NKAIN2: variants seen among roughly 807,000 people sequenced by gnomAD.
NKAIN2 encodes sodium/potassium-transporting ATPase subunit beta-1-interacting protein 2.
NKAIN2 carries 14 observed loss-of-function variants against 32.6 expected under a neutral mutation model. That is an observed-to-expected ratio of 0.43 (90% confidence interval 0.28 to 0.67). The LOEUF (loss-of-function observed/expected upper bound fraction) is 0.67. NKAIN2 is among the 30% of genes least tolerant of loss of function. The pLI, the probability that NKAIN2 is intolerant of heterozygous loss-of-function variation, is 0.17. For synonymous variants in NKAIN2, 80 were observed against 87.2 expected (o/e 0.92, Z 0.46); for missense variants, 198 against 258.3 (o/e 0.77, Z 1.60).
chr6:123,856,224 A>G (rs1299156975), intron 1 of NKAIN2, among the ~76,000 whole-genome samples: 1 of 152,198 alleles, frequency 6.6e-6, no homozygotes, highest in African/African-American at 2.4e-5. Flanking sequence ...TAGAAGTCTC[A>G]TAACTTTCCT....
intron 2 of NKAIN2, among the ~76,000 whole-genome samples, chr6:124,305,029 G>T (rs1451092453): frequency 6.6e-6 from 1 of 152,152 alleles, no homozygotes; most frequent in Non-Finnish European, 1.5e-5. Context: ...TGGAATCCGA[G>T]ATGATGAAGG....
In NKAIN2 at chr6:124,658,399, A is replaced by T. The variant is rs2114426567; in HGVS notation, c.474+13A>T. On this transcript the variant is annotated intron_variant, in intron 4 of 6. Coordinates refer to ENST00000368417, the MANE Select transcript of NKAIN2 (RefSeq NM_001040214.3). ...GATTGTCCTCGCAGTAAGTGTTGGC[A>T]GCCAACCGCTCCTTCTAGTGCCTCT... The T allele has an allele frequency of 2.5e-6, 4 of 1,614,118 alleles. No individual in the cohort carries two copies. The East Asian group carries it at 8.9e-5, about 36-fold the overall frequency.
rs536355779 is a variant in NKAIN2, at chr6:124,044,528, C to G, written c.55-238477C>G. On this transcript the variant is annotated intron_variant, in intron 1 of 6. Coordinates refer to ENST00000368417, the MANE Select transcript of NKAIN2 (RefSeq NM_001040214.3). ...ATATAGAACTGTGGAGGGACCAGTC[C>G]CAAAGACTGGAAGTTTCTTCTGAGG... is the stretch of plus-strand genomic sequence containing the variant. Among the ~76,000 whole-genome samples the G allele has an allele frequency of 1.1e-4, 17 of 152,124 alleles. 1 individual carries two copies. In the South Asian group the frequency reaches 3.5e-3, roughly 32 times the overall value.
chr6:124,209,069 T>C (rs1303212890), intron 1 of NKAIN2, among the ~76,000 whole-genome samples: 1 of 151,518 alleles, frequency 6.6e-6, no homozygotes, highest in Non-Finnish European at 1.5e-5. Context: ...ATAACCATTC[T>C]CCCTAACTGT....
At chr6:123,913,956 G>A (rs1314126892) in intron 1 of NKAIN2, among the ~76,000 whole-genome samples, 1 of 151,990 alleles carries the variant, frequency 6.6e-6, no homozygotes, top group African/African-American at 2.4e-5. Context: ...TATGTGCCTG[G>A]TGCCATTCTA....
At chr6:124,219,779 C>G (rs139867252) in intron 1 of NKAIN2, among the ~76,000 whole-genome samples, 1 of 152,084 alleles carries the variant, frequency 6.6e-6, no homozygotes, top group Non-Finnish European at 1.5e-5. Flanking sequence ...TTTAGAACAA[C>G]ATCAGTGAAA....
chr6:124,807,080 CG>C (rs1181754723), intron 5 of NKAIN2, among the ~76,000 whole-genome samples: 2 of 151,514 alleles, frequency 1.3e-5, no homozygotes, highest in Admixed American at 1.3e-4. Flanking sequence ...GACAGATCAA[CG>C]AGACAGAAAG....
At chr6:124,356,793 C>T (rs1188912444) in intron 3 of NKAIN2, among the ~76,000 whole-genome samples, 3 of 152,146 alleles carry the variant, frequency 2.0e-5, no homozygotes, top group African/African-American at 7.2e-5. Flanking sequence ...CTCTATAATC[C>T]ACTTTCTTCA....
chr6:124,384,509 A>G (rs1235214643), intron 3 of NKAIN2, among the ~76,000 whole-genome samples: 1 of 152,222 alleles, frequency 6.6e-6, no homozygotes, highest in African/African-American at 2.4e-5. Flanking sequence ...TTATCAAGAC[A>G]CAATGGATTG....
At chr6:124,354,636 G>C (rs1798884674) in intron 2 of NKAIN2, among the ~76,000 whole-genome samples, 1 of 152,128 alleles carries the variant, frequency 6.6e-6, no homozygotes, top group Admixed American at 6.6e-5. Context: ...GTCCTACACG[G>C]AGATGGTTTT....
At chr6:124,328,343 C>T (rs780351784) in intron 2 of NKAIN2, among the ~76,000 whole-genome samples, 1 of 152,134 alleles carries the variant, frequency 6.6e-6, no homozygotes, top group Non-Finnish European at 1.5e-5. Context: ...TAAATTTTCA[C>T]ATATAATTTA....
intron 1 of NKAIN2, among the ~76,000 whole-genome samples, chr6:124,206,068 C>T (rs183936518): frequency 6.6e-6 from 1 of 151,818 alleles, no homozygotes; most frequent in Admixed American, 6.6e-5. Context: ...AGTGAACTTA[C>T]AATTATTTCC....
intron 1 of NKAIN2, among the ~76,000 whole-genome samples, chr6:123,850,955 C>T (rs1286751569): frequency 6.6e-6 from 1 of 152,124 alleles, no homozygotes; most frequent in East Asian, 1.9e-4. Context: ...ATTTGTTTTT[C>T]TGTGCCTGGC....
At chr6:124,782,995 C>T (rs939219513) in intron 4 of NKAIN2, among the ~76,000 whole-genome samples, 30 of 152,110 alleles carry the variant, frequency 2.0e-4, no homozygotes, top group Non-Finnish European at 3.2e-4. Flanking sequence ...AACCGGAAGG[C>T]GATTTCATGG....
At chr6:123,862,364 G>A (rs1472309401) in intron 1 of NKAIN2, among the ~76,000 whole-genome samples, 1 of 152,002 alleles carries the variant, frequency 6.6e-6, no homozygotes, top group Non-Finnish European at 1.5e-5. Flanking sequence ...TATTGCTCTT[G>A]CCCATGTTAT....
At chr6:124,773,680 C>T (rs1778859408) in intron 4 of NKAIN2, among the ~76,000 whole-genome samples, 1 of 151,978 alleles carries the variant, frequency 6.6e-6, no homozygotes, top group Non-Finnish European at 1.5e-5. Flanking sequence ...CTAAAATAAC[C>T]CAGGTTAACC....
chr6:123,927,327 TTC>T (rs1776046910), intron 1 of NKAIN2, among the ~76,000 whole-genome samples: 1 of 152,210 alleles, frequency 6.6e-6, no homozygotes, highest in African/African-American at 2.4e-5. Context: ...CATATAAACA[TTC>T]TGTTTTGTTC....
At chr6:124,266,854 A>T (rs1794515449) in intron 1 of NKAIN2, among the ~76,000 whole-genome samples, 1 of 152,202 alleles carries the variant, frequency 6.6e-6, no homozygotes. Context: ...ATAGATGCAC[A>T]TACACAATTC....
intron 3 of NKAIN2, among the ~76,000 whole-genome samples, chr6:124,592,124 A>T (rs987252384): frequency 4.6e-5 from 7 of 152,344 alleles, no homozygotes; most frequent in African/African-American, 1.7e-4. Flanking sequence ...GTTGATGATG[A>T]AGGGCCATTC....
Sources: allele counts gnomAD v4.1 joint callset (sites outside exome capture counted in the v4.1 genomes callset), GRCh38; gene constraint gnomAD v4.1.1; transcripts MANE v1.5; gene names NCBI Gene and HGNC (gene_info 2026-07-23, HGNC 2026-07-21).